ERCC6: variants seen among roughly 807,000 people sequenced by gnomAD.
The protein encoded by ERCC6 is ERCC excision repair 6, chromatin remodeling factor.
In ERCC6, 116 loss-of-function variants were observed where a neutral mutation model predicts 158.7. The ratio of observed to expected loss-of-function variants is 0.73; its 90% CI spans 0.63 to 0.85. The LOEUF is 0.85. ERCC6 is among the 40% of genes least tolerant of loss of function. ERCC6 has a pLI of 0.00. For synonymous variants in ERCC6, 678 were observed against 659.3 expected (o/e 1.03, Z -0.43); for missense variants, 1,698 against 1,799.4 (o/e 0.94, Z 1.02).
downstream of ERCC6, among the ~76,000 whole-genome samples, chr10:49,454,177 T>C (rs1182022540): frequency 1.3e-5 from 2 of 152,212 alleles, no homozygotes; most frequent in Non-Finnish European, 2.9e-5. Flanking sequence ...ATCTCTCTTA[T>C]TCTATCTGCC....
the ERCC6 span, among the ~76,000 whole-genome samples, chr10:49,435,348 C>T: frequency 6.6e-6 from 1 of 152,168 alleles, no homozygotes; most frequent in Non-Finnish European, 1.5e-5. Flanking sequence ...ATTTAAGCAA[C>T]CCAGTTTACA....
At position 49,478,349 on chromosome 10, in the gene ERCC6, C is replaced by T. The variant is rs777806154; in HGVS notation, c.2286+5G>A. 5.2e-5 allele frequency: 82 copies of T among 1,570,886 alleles called. No homozygotes were observed. Among genetic ancestry groups the T allele is most frequent in the Non-Finnish European group, 7.0e-5 (80 of 1,140,804 alleles). ...AATGCTTCGTTAACTCCTGGATTTA[C>T]AGACCTGTTCATTTTTATCTGGCAA... is the stretch of plus-strand genomic sequence containing the variant. On this transcript the variant is annotated splice_donor_5th_base_variant and intron_variant, in intron 11 of 20. Coordinates refer to ENST00000355832, the MANE Select transcript of ERCC6 (RefSeq NM_000124.4).
chr10:49,471,207 A>G, intron 16 of ERCC6, 87 bp from the exon 17 acceptor site: 2 of 1,339,978 alleles, frequency 1.5e-6, no homozygotes, highest in South Asian at 1.2e-5. Context: ...GAGAGAGATG[A>G]TAACAGCTGC....
At chr10:49,516,632 G>A in intron 5 of ERCC6, 2 of 1,614,178 alleles carry the variant, frequency 1.2e-6, no homozygotes, top group Non-Finnish European at 1.7e-6. Context: ...ATAAGTTGGA[G>A]TACTTGACAA....
intron 8 of ERCC6, among the ~76,000 whole-genome samples, chr10:49,490,808 T>C (rs887648609): frequency 7.2e-5 from 11 of 152,202 alleles, no homozygotes; most frequent in Non-Finnish European, 1.2e-4. Context: ...ATACATCCAG[T>C]ATTGAATGTC....
Position 49,458,602 on chromosome 10 carries a change from C to A in ERCC6, c.*213G>T. 1 of 559,136 alleles carries A rather than the reference C, an allele frequency of 1.8e-6. No individual in the cohort carries two copies. Among genetic ancestry groups the A allele is most frequent in the Non-Finnish European group, 3.1e-6 (1 of 320,652 alleles). 34.6% of individuals were successfully genotyped at this position (559,136 alleles called of 1,614,324 possible). On this transcript the variant is annotated 3_prime_UTR_variant, in exon 21 of 21. Transcript: ENST00000355832. Reference sequence around the variant, plus strand: ...ATTGCCAAAAAAAAAAAAATCAATCCAAGTATTTTCTCCTTTAGCTAGCAT... The same window carrying A: ...ATTGCCAAAAAAAAAAAAATCAATCAAAGTATTTTCTCCTTTAGCTAGCAT...
intron 6 of ERCC6, chr10:49,505,270 A>G (rs1166675265): frequency 6.5e-6 from 1 of 152,684 alleles, no homozygotes; most frequent in African/African-American, 2.4e-5. Context: ...ATCAGGCAGC[A>G]TCCGGTCATC....
the ERCC6 span, among the ~76,000 whole-genome samples, chr10:49,438,048 T>C: frequency 6.6e-6 from 1 of 152,228 alleles, no homozygotes; most frequent in Non-Finnish European, 1.5e-5. Context: ...TTTATTGTAT[T>C]GTTATTTTCT....
chr10:49,499,314 C>T (rs765619125), intron 7 of ERCC6, among the ~76,000 whole-genome samples: 12 of 152,154 alleles, frequency 7.9e-5, no homozygotes, highest in Non-Finnish European at 1.8e-4. Flanking sequence ...TCCAAACACT[C>T]CTCACAGAAG....
intron 13 of ERCC6, among the ~76,000 whole-genome samples, chr10:49,473,826 T>C (rs1850826596): frequency 6.6e-6 from 1 of 152,228 alleles, no homozygotes. Context: ...TAGAATCACA[T>C]GGTGAGCTTT....
chr10:49,449,744 G>T (rs572353929), downstream of ERCC6, among the ~76,000 whole-genome samples: 1 of 151,418 alleles, frequency 6.6e-6, no homozygotes, highest in Non-Finnish European at 1.5e-5. Context: ...TAGAGACAGG[G>T]TTTCACCATA....
At chr10:49,526,549 G>A (rs1264319644) in intron 4 of ERCC6, among the ~76,000 whole-genome samples, 2 of 152,004 alleles carry the variant, frequency 1.3e-5, no homozygotes, top group Non-Finnish European at 2.9e-5. Flanking sequence ...ATCTTCTGAT[G>A]AACAGAAGTT....
Position 49,524,278 on chromosome 10 carries a change from T to C in ERCC6, c.1152A>G (p.Glu384=). ...YFPTEEEEEE[E]DDEVEGAEAD... ...CCTCTGCCCCCTCCACCTCGTCATC[T>C]TCCTCCTCTTCCTCCTCCTCTGTGG... The change falls in exon 5 of 21, where the codon GAA becomes GAG. Residue 384 remains glutamate (E), a synonymous_variant. Transcript: ENST00000355832. 1.2e-6 allele frequency: 2 copies of C among 1,613,984 alleles called. No individual in the cohort carries two copies. The highest frequency in any genetic ancestry group is 4.5e-5 in the East Asian group (2 of 44,870).
intron 7 of ERCC6, among the ~76,000 whole-genome samples, 177 bp downstream of exon 7, chr10:49,500,361 G>T (rs971751938): frequency 6.6e-6 from 1 of 152,018 alleles, no homozygotes; most frequent in African/African-American, 2.4e-5. Context: ...AATTTCTCCT[G>T]CCCTACAGCT....
intron 6 of ERCC6, chr10:49,505,310 C>G (rs1252900868): frequency 6.5e-6 from 1 of 152,862 alleles, no homozygotes; most frequent in Non-Finnish European, 1.5e-5. Flanking sequence ...CACATGAAAC[C>G]TGGCTTCAAA....
intron 8 of ERCC6, among the ~76,000 whole-genome samples, chr10:49,491,636 T>C (rs574392001): frequency 9.2e-5 from 14 of 152,310 alleles, no homozygotes; most frequent in Middle Eastern, 3.4e-3. Flanking sequence ...AATGAGTCCA[T>C]GTATGTGGTT....
At chr10:49,534,147 A>AAC (rs1564447950) in intron 1 of ERCC6, among the ~76,000 whole-genome samples, 1 of 148,970 alleles carries the variant, frequency 6.7e-6, no homozygotes, top group Non-Finnish European at 1.5e-5. Flanking sequence ...AAAAAAAAAA[A>AAC]AAAAAAACAA....
intron 5 of ERCC6, among the ~76,000 whole-genome samples, chr10:49,514,881 T>C (rs1836901142): frequency 6.6e-6 from 1 of 152,246 alleles, no homozygotes; most frequent in Admixed American, 6.5e-5. Flanking sequence ...TTACTTTTCT[T>C]ATCTTCCTTT....
chr10:49,530,631 A>T, intron 3 of ERCC6, 89 bp downstream of exon 3: 2 of 1,570,906 alleles, frequency 1.3e-6, no homozygotes, highest in Non-Finnish European at 1.7e-6. Context: ...TTCACATCTT[A>T]TAAGCACTTT....
Sources: allele counts gnomAD v4.1 joint callset (sites outside exome capture counted in the v4.1 genomes callset), GRCh38; gene constraint gnomAD v4.1.1; transcripts MANE v1.5; gene names NCBI Gene and HGNC (gene_info 2026-07-23, HGNC 2026-07-21).